The following PDIA6 variants were observed in gnomAD, a reference collection of about 807,000 sequenced individuals.
PDIA6 encodes protein disulfide-isomerase A6.
A neutral mutation model predicts 58.4 loss-of-function variants in PDIA6; 29 were observed. The ratio of observed to expected loss-of-function variants is 0.50; its 90% CI spans 0.37 to 0.68. The LOEUF is 0.68. Among genes scored for constraint, PDIA6 ranks in the 30% least tolerant of loss-of-function variants. The pLI, the probability that PDIA6 is intolerant of heterozygous loss-of-function variation, is 0.00. For synonymous variants in PDIA6, 192 were observed against 202.6 expected (o/e 0.95, Z 0.44); for missense variants, 480 against 551.0 (o/e 0.87, Z 1.29).
At chr2:10,832,915 C>T (rs923454), upstream of PDIA6, among the ~76,000 whole-genome samples, 140,692 of 151,248 alleles carry the variant, frequency 0.93, 65,998 homozygotes, top group Non-Finnish European at 0.99. Flanking sequence ...AGCGCTGGTC[C>T]CACCCCCCGC....
intron 5 of PDIA6, among the ~76,000 whole-genome samples, chr2:10,792,847 G>C (rs1015450644): frequency 6.6e-6 from 1 of 152,164 alleles, no homozygotes; most frequent in African/African-American, 2.4e-5. Context: ...TCCTGGGCCT[G>C]GTACTTGGAC....
At chr2:10,836,363 A>ATTAT (rs746623002), upstream of PDIA6, among the ~76,000 whole-genome samples, 37 of 151,984 alleles carry the variant, frequency 2.4e-4, no homozygotes, top group African/African-American at 6.3e-4. Flanking sequence ...GTGTTATTTT[A>ATTAT]TTATTTATTT....
intron 11 of PDIA6, among the ~76,000 whole-genome samples, chr2:10,785,449 G>A (rs901216236): frequency 6.6e-6 from 1 of 152,186 alleles, no homozygotes; most frequent in African/African-American, 2.4e-5. Context: ...GGCAGAGAGC[G>A]GGGTGCGTAT....
At position 10,787,317 on chromosome 2, in the gene PDIA6, C is replaced by G. The variant is rs746881958; in HGVS notation, c.1121G>C (p.Gly374Ala). 8 of 1,614,024 alleles carry G rather than the reference C, an allele frequency of 5.0e-6. No individual in the cohort carries two copies. Among genetic ancestry groups the G allele is most frequent in the East Asian group, 2.2e-5 (1 of 44,900 alleles). Residue 374 changes from glycine (G) to alanine (A), a missense_variant, in exon 11 of 13, where the codon GGC (glycine) becomes GCC (alanine). Transcript: ENST00000272227. ...GTTGATGCCTTGCTCACTGAAGGAG[C>G]CTTTTAGCAGAGCAAATTTCATCTT... ...ARKMKFALLK[G>A]SFSEQGINEF...
At chr2:10,813,636 T>A (rs981767539), upstream of PDIA6, among the ~76,000 whole-genome samples, 1 of 141,330 alleles carries the variant, frequency 7.1e-6, no homozygotes, top group African/African-American at 2.9e-5. Context: ...AAAGTAAAAA[T>A]TTTTTTGCTT....
chr2:10,795,346 A>G (rs780514234), intron 4 of PDIA6, among the ~76,000 whole-genome samples: 2 of 152,320 alleles, frequency 1.3e-5, no homozygotes, highest in South Asian at 2.1e-4. Context: ...GTGCATTTTC[A>G]TAAGTGAGGA....
At chr2:10,787,234 A>G (rs772552388) in intron 11 of PDIA6, 47 bp downstream of exon 11, 1 of 1,558,056 alleles carries the variant, frequency 6.4e-7, no homozygotes, top group East Asian at 2.2e-5. Flanking sequence ...CTACAACAGA[A>G]CCAAACAAAC....
chr2:10,818,482 A>C (rs1686499), intron 2 of PDIA6, among the ~76,000 whole-genome samples: 1,005 of 52,628 alleles, frequency 0.019, 19 homozygotes, highest in African/African-American at 0.089. Flanking sequence ...TAACCATTTA[A>C]TTTATTTATT....
At chr2:10,824,435 C>T (rs1163390301) in intron 1 of PDIA6, among the ~76,000 whole-genome samples, 1 of 152,246 alleles carries the variant, frequency 6.6e-6, no homozygotes, top group African/African-American at 2.4e-5. Flanking sequence ...ACTCTATCCC[C>T]CTTGCCACAG....
intron 2 of PDIA6, among the ~76,000 whole-genome samples, 196 bp downstream of exon 2, chr2:10,802,303 G>T (rs1170689960): frequency 6.6e-6 from 1 of 151,830 alleles, no homozygotes; most frequent in Non-Finnish European, 1.5e-5. Context: ...CCTTCCACAC[G>T]CATCACCTCA....
At chr2:10,834,239 A>T (rs1375616522), upstream of PDIA6, among the ~76,000 whole-genome samples, 1 of 152,268 alleles carries the variant, frequency 6.6e-6, no homozygotes, top group Non-Finnish European at 1.5e-5. Flanking sequence ...CTGAGCAGAG[A>T]CAAAAAAGGG....
At chr2:10,790,207 G>C (rs1665972119) in intron 7 of PDIA6, among the ~76,000 whole-genome samples, 1 of 151,910 alleles carries the variant, frequency 6.6e-6, no homozygotes, top group South Asian at 2.1e-4. Context: ...TTGAAATCCT[G>C]GCCTCAAGTG....
Position 10,784,052 on chromosome 2 carries a change from G to T in PDIA6, c.*206C>A. On this transcript the variant is annotated 3_prime_UTR_variant, in exon 13 of 13. Coordinates refer to ENST00000272227, the MANE Select transcript of PDIA6 (RefSeq NM_005742.4). ...TGACAGAATACGACTCAATTCACCG[G>T]CTACAACAATTCATAGAATTTTTCA... 1 of 424,896 alleles carries T rather than the reference G, an allele frequency of 2.4e-6. No individual in the cohort carries two copies. Among genetic ancestry groups the T allele is most frequent in the African/African-American group, 2.0e-5 (1 of 49,550 alleles). 26.3% of individuals were successfully genotyped at this position (424,896 alleles called of 1,614,324 possible).
At chr2:10,788,624 G>A (rs1353201477) in intron 10 of PDIA6, 73 bp downstream of exon 10, 14 of 1,013,386 alleles carry the variant, frequency 1.4e-5, no homozygotes, top group South Asian at 5.2e-5. Flanking sequence ...ACAAAAACAC[G>A]GGGGAACCAC....
At chr2:10,808,851 C>T (rs1045005612) in intron 1 of PDIA6, among the ~76,000 whole-genome samples, 3 of 151,990 alleles carry the variant, frequency 2.0e-5, no homozygotes. Context: ...TTTGAGACGG[C>T]GTCTCACTCA....
chr2:10,819,702 C>T (rs1446982129), intron 1 of PDIA6, among the ~76,000 whole-genome samples: 3 of 152,202 alleles, frequency 2.0e-5, no homozygotes, highest in African/African-American at 7.2e-5. Flanking sequence ...AAAGAGGAAC[C>T]TCCATCCACT....
intron 4 of PDIA6, 93 bp downstream of exon 4, chr2:10,796,988 A>G: frequency 9.7e-7 from 1 of 1,035,882 alleles, no homozygotes; most frequent in Non-Finnish European, 1.5e-6. Context: ...AATGAGGTTG[A>G]GAACCTTGCA....
chr2:10,813,389 C>T (rs1290504287), upstream of PDIA6, among the ~76,000 whole-genome samples: 16 of 152,250 alleles, frequency 1.1e-4, no homozygotes. Context: ...AAGCGGTAGC[C>T]TCCTCGCTGA....
upstream of PDIA6, among the ~76,000 whole-genome samples, chr2:10,835,398 T>C (rs115317762): frequency 0.03 from 4,531 of 151,578 alleles, 256 homozygotes; most frequent in African/African-American, 0.1. Context: ...TCCGTTTCCA[T>C]CGCGGGCCTT....
Sources: gnomAD v4.1 joint callset for allele counts (sites outside exome capture counted in the v4.1 genomes callset) on GRCh38, gnomAD v4.1.1 for gene constraint, MANE v1.5 for transcripts, NCBI Gene and HGNC (gene_info 2026-07-23, HGNC 2026-07-21) for gene names.